Variants in RERE observed in about 807,000 individuals in gnomAD.
RERE encodes the protein arginine-glutamic acid dipeptide repeats, also known as arginine-glutamic acid dipeptide repeats protein.
A neutral mutation model predicts 146.1 loss-of-function variants in RERE; 40 were observed. The ratio of observed to expected loss-of-function variants is 0.27; its 90% confidence interval spans 0.21 to 0.36. The LOEUF is 0.36. Among genes scored for constraint, RERE ranks in the 10% least tolerant of loss-of-function variants. The pLI is 1.00. For synonymous variants in RERE, 1,003 were observed against 866.0 expected, an observed-to-expected ratio of 1.16 and a Z score of -2.78; for missense variants, 1,933 against 2,138.7, an observed-to-expected ratio of 0.90 and a Z score of 1.90.
In RERE at chr1:8,356,190, C is replaced by T; in HGVS notation, c.4396G>A (p.Ala1466Thr). 6.6e-7 allele frequency: 1 copy of T among 1,521,324 alleles called. No individual in the cohort carries two copies. The highest frequency in any genetic ancestry group is 8.7e-7 in the Non-Finnish European group (1 of 1,145,416). The allele number at this position is 1,521,324 out of a possible 1,614,324, so 94.2% of individuals were successfully genotyped here. Residue 1466 changes from alanine to threonine, a missense_variant, in exon 21 of 23, where the codon GCT (alanine) becomes ACT (threonine). Ala to Thr is a moderately conservative substitution (Grantham distance 58). This residue lies in a region of RERE where 133 missense variants were observed against 168.6 expected (regional missense o/e 0.79). Transcript: ENST00000400908. The surrounding 1 kb of genome is among the most constrained non-coding windows in gnomAD (Gnocchi z 5.2). ...GTGCCAGGCGGGTAGGGGAAGCGAG[C>T]CAGGTGGGGACCGGCAGTCAGGGGG... Reference protein sequence around the residue: ...VDPLTAGPHLARFPYPPGTLP... With the variant: ...VDPLTAGPHLTRFPYPPGTLP...
intron 7 of RERE, among the ~76,000 whole-genome samples, chr1:8,536,571 T>G: frequency 6.6e-6 from 1 of 152,228 alleles, no homozygotes; most frequent in Non-Finnish European, 1.5e-5. Context: ...TAACTGGCTT[T>G]ATTTATGAAG....
rs1170993167 is a variant in RERE, at chr1:8,732,819, T to C, written c.-144-76378A>G. Among the ~76,000 whole-genome samples the C allele has an allele frequency of 3.6e-5, 5 of 137,770 alleles. No individual in the cohort carries two copies. The East Asian group carries it at 6.3e-4, about 17-fold the overall frequency. The allele number at this position is 137,770 out of a possible 152,430, so 90.4% of individuals were successfully genotyped here. On this transcript the variant is annotated intron_variant, in intron 1 of 22. Transcript: ENST00000400908. Reference sequence around the variant, plus strand: ...AATTTTCAATTTTTCTTTTTTTTTTTTTTTTTTTTTTTTTTTGGTTTAGAT... The same window carrying C: ...AATTTTCAATTTTTCTTTTTTTTTTCTTTTTTTTTTTTTTTTGGTTTAGAT...
In RERE at chr1:8,708,364, G is replaced by A. The variant is rs536599135; in HGVS notation, c.-144-51923C>T. On this transcript the variant is annotated intron_variant, in intron 1 of 22. Transcript: ENST00000400908. The stretch of plus-strand genomic sequence containing the variant: ...CTCACTCTGACCCCCAGGCTGGAGT[G>A]CAGTGGCATGATCTCAGCTCACCGC... Among the ~76,000 whole-genome samples, 21 of 152,230 alleles carry A rather than the reference G, an allele frequency of 1.4e-4. No individual in the cohort carries two copies. In the South Asian group the frequency reaches 3.9e-3, roughly 29 times the overall value.
At chr1:8,614,423 A>T in intron 4 of RERE, 138 bp downstream of exon 4, 1 of 867,050 alleles carries the variant, frequency 1.2e-6, no homozygotes, top group Non-Finnish European at 1.7e-6. Context: ...TCCTCTGTGC[A>T]TGTACTTGTT....
chr1:8,508,085 G>A (rs539451605), intron 8 of RERE, among the ~76,000 whole-genome samples: 33 of 152,158 alleles, frequency 2.2e-4, no homozygotes, highest in Non-Finnish European at 3.8e-4. Context: ...TTCATCAATG[G>A]ATGAATAGAT....
At chr1:8,397,661 G>A (rs1478265026) in intron 12 of RERE, among the ~76,000 whole-genome samples, 2 of 150,894 alleles carry the variant, frequency 1.3e-5, no homozygotes, top group African/African-American at 4.9e-5. Flanking sequence ...TTTATTTCCT[G>A]CTGGCTTCTC....
chr1:8,525,951 C>G (rs761952721), intron 7 of RERE: 3 of 1,343,992 alleles, frequency 2.2e-6, no homozygotes, highest in African/African-American at 3.1e-5. Flanking sequence ...TCACGCAGAA[C>G]GCAGAAACTT....
rs551307965 is a variant in RERE, at chr1:8,364,121, C to T, written c.1675G>A (p.Val559Ile). The T allele has an allele frequency of 3.1e-6, 5 of 1,614,166 alleles. No homozygotes were observed. The highest frequency in any genetic ancestry group is 2.2e-5 in the East Asian group (1 of 44,874). ...VDPPPFMFKP[V>I]KEEDDGLSGK... Reference sequence around the variant, plus strand: ...CTGAGCCCATCATCCTCTTCCTTGACGGGTTTGAACATAAACGGTGGCGGG... The same window carrying T: ...CTGAGCCCATCATCCTCTTCCTTGATGGGTTTGAACATAAACGGTGGCGGG... The change falls in exon 15 of 23, where the codon GTC (valine) becomes ATC (isoleucine). Residue 559 changes from valine to isoleucine, a missense_variant. Physicochemically the swap from Val to Ile is conservative, Grantham distance 29. Coordinates refer to ENST00000400908, the MANE Select transcript of RERE (RefSeq NM_001042681.2). The surrounding 1 kb of genome is among the most constrained non-coding windows in gnomAD (Gnocchi z 5.1).
At chr1:8,413,496 C>T (rs1263023433) in intron 12 of RERE, among the ~76,000 whole-genome samples, 1 of 151,926 alleles carries the variant, frequency 6.6e-6, no homozygotes, top group Non-Finnish European at 1.5e-5. Context: ...GTGCGTGTCA[C>T]CATACCCAGC....
At chr1:8,775,757 A>T (rs937316526) in intron 1 of RERE, among the ~76,000 whole-genome samples, 2 of 152,238 alleles carry the variant, frequency 1.3e-5, no homozygotes, top group Non-Finnish European at 2.9e-5. Flanking sequence ...TTTGATAAAC[A>T]ATGGAATATT....
chr1:8,725,547 C>T (rs959809169), intron 1 of RERE, among the ~76,000 whole-genome samples: 1 of 152,270 alleles, frequency 6.6e-6, no homozygotes, highest in South Asian at 2.1e-4. Flanking sequence ...GCCTGAGCAA[C>T]AGAGTGAAAT....
At chr1:8,359,129 G>A (rs964344532) in intron 19 of RERE, among the ~76,000 whole-genome samples, 7 of 152,202 alleles carry the variant, frequency 4.6e-5, no homozygotes, top group Non-Finnish European at 1.0e-4. Context: ...CTCCCCTCAG[G>A]CCCAGATGGG....
intron 11 of RERE, among the ~76,000 whole-genome samples, chr1:8,456,326 T>G (rs1644452874): frequency 6.6e-6 from 1 of 152,106 alleles, no homozygotes; most frequent in Non-Finnish European, 1.5e-5. Context: ...AAGATAGAGG[T>G]AGAGCAGGTA....
rs942898058 is a variant in RERE at position 8,362,563 on chromosome 1, G to A, written c.1902+120C>T. 16 of 1,326,922 alleles carry A rather than the reference G, an allele frequency of 1.2e-5. 1 individual carries two copies. The East Asian group carries it at 4.0e-4, about 33-fold the overall frequency. 82.2% of individuals were successfully genotyped at this position (1,326,922 alleles called of 1,614,324 possible). A position where few individuals can be genotyped will look rare whatever the true frequency, so the allele number is the denominator to read the frequency against. ...TAGGCCAGGACAATGCTGGTGTCCA[G>A]ACAGGCTCCATGAATGAGCTGCATC... is the stretch of plus-strand genomic sequence containing the variant. On this transcript the variant is annotated intron_variant, in intron 16 of 22. Transcript: ENST00000400908.
intron 4 of RERE, among the ~76,000 whole-genome samples, chr1:8,559,298 A>AAAAC (rs1557686469): frequency 2.1e-5 from 3 of 145,408 alleles, no homozygotes; most frequent in African/African-American, 7.5e-5. Flanking sequence ...AAAAAAAAAA[A>AAAAC]AAAAAACAGA....
chr1:8,522,718 C>T (rs1645517608), intron 7 of RERE, among the ~76,000 whole-genome samples: 2 of 151,882 alleles, frequency 1.3e-5, no homozygotes, highest in African/African-American at 4.8e-5. Context: ...CTAAAAAATA[C>T]AAAAATTAGC....
chr1:8,546,742 G>T (rs1211120083), intron 6 of RERE, among the ~76,000 whole-genome samples: 1 of 152,006 alleles, frequency 6.6e-6, no homozygotes, highest in African/African-American at 2.4e-5. Context: ...CAGCTACTTT[G>T]GAGGCTGAGG....
chr1:8,719,371 CT>C (rs1557501545), intron 1 of RERE, among the ~76,000 whole-genome samples: 1 of 152,158 alleles, frequency 6.6e-6, no homozygotes, highest in Non-Finnish European at 1.5e-5. Context: ...TAATCCACCC[CT>C]AAATGACTCA....
chr1:8,713,867 C>T (rs1417448287), intron 1 of RERE, among the ~76,000 whole-genome samples: 1 of 152,104 alleles, frequency 6.6e-6, no homozygotes, highest in Non-Finnish European at 1.5e-5. Flanking sequence ...ATTCTTTATA[C>T]TTAGCTTACA....
Sources: allele counts gnomAD v4.1 joint callset (sites outside exome capture counted in the v4.1 genomes callset), GRCh38; gene constraint gnomAD v4.1.1; regional missense constraint gnomAD v4.1.1; non-coding constraint Gnocchi (gnomAD v3.1); transcripts MANE v1.5; gene names NCBI Gene and HGNC (gene_info 2026-07-23, HGNC 2026-07-21).